The following CLDN10 variants were observed in gnomAD, a reference collection of about 807,000 sequenced individuals.
CLDN10 encodes claudin 10, also known as claudin-10.
Under a neutral mutation model 22.9 loss-of-function variants are expected in CLDN10, and 15 were observed. That is an observed-to-expected ratio of 0.65 (90% CI 0.44 to 1.01). CLDN10 has a LOEUF of 1.01. CLDN10 is among the 50% of genes least tolerant of loss of function. The probability of loss-of-function intolerance (pLI) is 0.00; values close to 1 mark genes in which losing one functional copy is unlikely to be tolerated. For missense variants in CLDN10, 247 were observed against 287.8 expected, an observed-to-expected ratio of 0.86 and a Z score of 1.03; for synonymous variants, 114 against 111.4, an observed-to-expected ratio of 1.02 and a Z score of -0.15.
At chr13:95,480,474 A>C (rs1333940623) in intron 1 of CLDN10, among the ~76,000 whole-genome samples, 1 of 152,222 alleles carries the variant, frequency 6.6e-6, no homozygotes. Context: ...GAGAAATAGG[A>C]AGCGTCTGAA....
chr13:95,503,848 C>T (rs368388974), intron 1 of CLDN10, among the ~76,000 whole-genome samples: 7 of 152,048 alleles, frequency 4.6e-5, no homozygotes, highest in East Asian at 1.9e-4. Context: ...GGAGAAATGG[C>T]GGGCTGTTGT....
At chr13:95,532,118 T>C (rs1009030924) in intron 1 of CLDN10, among the ~76,000 whole-genome samples, 2 of 152,160 alleles carry the variant, frequency 1.3e-5, no homozygotes, top group African/African-American at 4.8e-5. Flanking sequence ...TTTCATAAGA[T>C]AGGTCATAAA....
At chr13:95,494,879 G>C (rs1174671940) in intron 1 of CLDN10, among the ~76,000 whole-genome samples, 2 of 151,958 alleles carry the variant, frequency 1.3e-5, no homozygotes, top group Non-Finnish European at 2.9e-5. Context: ...TGTGTAATTT[G>C]TTATCTTTCT....
intron 1 of CLDN10, among the ~76,000 whole-genome samples, chr13:95,510,139 T>C (rs1296300636): frequency 6.6e-6 from 1 of 152,250 alleles, no homozygotes; most frequent in Non-Finnish European, 1.5e-5. Context: ...ATGAGTCACA[T>C]TTAATGTGGT....
intron 1 of CLDN10, among the ~76,000 whole-genome samples, chr13:95,486,561 T>C (rs2042806974): frequency 6.6e-6 from 1 of 150,488 alleles, no homozygotes; most frequent in Admixed American, 6.6e-5. Context: ...TTGGCAGAAG[T>C]ATCTGGACTC....
intron 1 of CLDN10, among the ~76,000 whole-genome samples, chr13:95,497,487 C>T (rs546816048): frequency 6.6e-6 from 1 of 152,312 alleles, no homozygotes; most frequent in African/African-American, 2.4e-5. Flanking sequence ...AGCTGTTACT[C>T]TGCAAAGGAC....
chr13:95,518,064 T>A (rs1464145674), intron 1 of CLDN10, among the ~76,000 whole-genome samples: 1 of 152,198 alleles, frequency 6.6e-6, no homozygotes, highest in East Asian at 1.9e-4. Flanking sequence ...TCTTCCATTT[T>A]ATAGTGATTA....
upstream of CLDN10, among the ~76,000 whole-genome samples, chr13:95,550,127 T>C (rs909875485): frequency 4.6e-5 from 7 of 152,346 alleles, no homozygotes; most frequent in East Asian, 9.6e-4. Context: ...GGTGTGGCGA[T>C]GCGGCAGAGA....
chr13:95,470,488 A>G (rs996543752), intron 1 of CLDN10, among the ~76,000 whole-genome samples: 3 of 152,182 alleles, frequency 2.0e-5, no homozygotes, highest in African/African-American at 7.2e-5. Context: ...AGTAGTAACC[A>G]TTTACACAAA....
intron 1 of CLDN10, among the ~76,000 whole-genome samples, chr13:95,509,249 G>A (rs1332270873): frequency 3.3e-5 from 5 of 152,174 alleles, no homozygotes. Context: ...AATAACTAAG[G>A]TTTGTAATGT....
intron 1 of CLDN10, 63 bp from the exon 2 acceptor site, chr13:95,560,069 T>G: frequency 9.8e-6 from 14 of 1,434,384 alleles, no homozygotes; most frequent in Non-Finnish European, 1.2e-5. Context: ...CAACGTAAAA[T>G]GAGGATTTCT....
chr13:95,447,418 T>G (rs933736580), intron 1 of CLDN10, among the ~76,000 whole-genome samples: 1 of 152,152 alleles, frequency 6.6e-6, no homozygotes, highest in African/African-American at 2.4e-5. Flanking sequence ...TGCTGCCCAC[T>G]CTCCTGTTTA....
intron 3 of CLDN10, among the ~76,000 whole-genome samples, chr13:95,563,095 ACTCTCTCTCTCT>A (rs34473629): frequency 5.0e-4 from 64 of 128,134 alleles, no homozygotes; most frequent in African/African-American, 1.6e-3. Flanking sequence ...CTGCCTACCC[ACTCTCTCTCTCT>A]CTCTCTCTCT....
intron 1 of CLDN10, among the ~76,000 whole-genome samples, chr13:95,464,553 A>T (rs186339028): frequency 1.5e-4 from 23 of 152,258 alleles, no homozygotes; most frequent in African/African-American, 5.5e-4. Context: ...GTAGTGCCGC[A>T]ATAAACATAC....
chr13:95,465,315 A>C (rs951146082), intron 1 of CLDN10, among the ~76,000 whole-genome samples: 2 of 152,144 alleles, frequency 1.3e-5, no homozygotes, highest in Non-Finnish European at 2.9e-5. Context: ...ATGGCAGTAC[A>C]ATTCAACTTG....
chr13:95,517,559 A>T (rs1214214802), intron 1 of CLDN10, among the ~76,000 whole-genome samples: 1 of 152,084 alleles, frequency 6.6e-6, no homozygotes, highest in African/African-American at 2.4e-5. Flanking sequence ...GTCAATGATG[A>T]TTGTATCTTG....
intron 1 of CLDN10, among the ~76,000 whole-genome samples, chr13:95,515,756 A>G (rs1200570132): frequency 6.6e-6 from 1 of 152,192 alleles, no homozygotes; most frequent in Non-Finnish European, 1.5e-5. Context: ...ACGCGAGCCC[A>G]GAGGAAGGCG....
At chr13:95,434,869 G>A (rs1432090520) in intron 1 of CLDN10, among the ~76,000 whole-genome samples, 3 of 151,488 alleles carry the variant, frequency 2.0e-5, no homozygotes, top group East Asian at 1.9e-4. Context: ...GGGTTTCCAC[G>A]TTTTTTTTAA....
chr13:95,492,693 C>T (rs1377537238), intron 1 of CLDN10, among the ~76,000 whole-genome samples: 1 of 152,122 alleles, frequency 6.6e-6, no homozygotes, highest in South Asian at 2.1e-4. Context: ...AGGCTTCTTG[C>T]CCCTTTCAAA....
Sources: allele counts gnomAD v4.1 joint callset (sites outside exome capture counted in the v4.1 genomes callset), GRCh38; gene constraint gnomAD v4.1.1; transcripts MANE v1.5; gene names NCBI Gene and HGNC (gene_info 2026-07-23, HGNC 2026-07-21).